The following TMEM150C variants were observed in gnomAD, a reference collection of about 807,000 sequenced individuals.
TMEM150C encodes the protein tentonin 3.
Under a neutral mutation model 29.9 loss-of-function variants are expected in TMEM150C, and 10 were observed. That is an observed-to-expected ratio of 0.33 (90% CI 0.21 to 0.57). TMEM150C has a LOEUF of 0.57. Ranked by LOEUF, TMEM150C falls within the 20% of genes least tolerant of loss-of-function variation. The pLI, the probability that TMEM150C is intolerant of heterozygous loss-of-function variation, is 0.88. For missense variants in TMEM150C, 251 were observed against 303.6 expected (o/e 0.83, Z 1.29); for synonymous variants, 101 against 112.5 (o/e 0.90, Z 0.64).
upstream of TMEM150C, chr4:82,562,108 G>A: frequency 8.0e-7 from 1 of 1,245,392 alleles, no homozygotes; most frequent in Non-Finnish European, 1.0e-6. Context: ...TTCGGGGAGA[G>A]TTGATCCCCT....
At position 82,484,902 on chromosome 4, in the gene TMEM150C, C is replaced by T. The variant is rs937329916; in HGVS notation, c.*609G>A. ...CCAGATCACAGCGGCGGGCTTTGCT[C>T]TCACAGTCTGTGGCATATGTCTCTC... is the stretch of plus-strand genomic sequence containing the variant. On this transcript the variant is annotated 3_prime_UTR_variant, in exon 8 of 8. Coordinates refer to ENST00000449862, the MANE Select transcript of TMEM150C (RefSeq NM_001080506.3). The T allele has an allele frequency of 2.6e-5, 4 of 152,762 alleles. No individual in the cohort carries two copies. The highest frequency in any genetic ancestry group is 5.8e-5 in the Non-Finnish European group (4 of 68,534). The allele number at this position is 152,762 out of a possible 1,614,324, so 9.5% of individuals were successfully genotyped here.
intron 6 of TMEM150C, among the ~76,000 whole-genome samples, chr4:82,492,037 G>A (rs1336113729): frequency 1.3e-5 from 2 of 150,112 alleles, no homozygotes; most frequent in East Asian, 1.9e-4. Context: ...CTGGGTTCAA[G>A]CGATTCTTCT....
At chr4:82,531,633 T>C (rs915458927) in intron 1 of TMEM150C, among the ~76,000 whole-genome samples, 2 of 151,568 alleles carry the variant, frequency 1.3e-5, no homozygotes, top group Non-Finnish European at 1.5e-5. Context: ...CACACACCTG[T>C]AATCCCAGGT....
chr4:82,550,816 A>G (rs1031554138), intron 1 of TMEM150C, among the ~76,000 whole-genome samples: 13 of 151,314 alleles, frequency 8.6e-5, no homozygotes, highest in African/African-American at 1.7e-4. Context: ...AGAAAGAAAG[A>G]AAGGAAGAGC....
At chr4:82,491,597 A>G in intron 6 of TMEM150C, 1 of 628,972 alleles carries the variant, frequency 1.6e-6, no homozygotes, top group South Asian at 1.8e-5. Context: ...CAGGGGCCGG[A>G]GCCACCTTCT....
At chr4:82,534,839 G>A (rs766606860) in intron 1 of TMEM150C, among the ~76,000 whole-genome samples, 1 of 151,958 alleles carries the variant, frequency 6.6e-6, no homozygotes, top group African/African-American at 2.4e-5. Flanking sequence ...GCCATGAAGG[G>A]GGCTGGCCTA....
intron 1 of TMEM150C, among the ~76,000 whole-genome samples, chr4:82,507,727 CTTTTTTTTTTTTTTTTT>C (rs869112887): frequency 4.0e-3 from 83 of 20,574 alleles, no homozygotes; most frequent in East Asian, 0.017. Context: ...CTCTCTCTCT[CTTTTTTTTTTTTTTTTT>C]TTTTTTTTTT....
intron 5 of TMEM150C, among the ~76,000 whole-genome samples, chr4:82,499,488 G>T (rs183436778): frequency 6.6e-6 from 1 of 151,996 alleles, no homozygotes; most frequent in Non-Finnish European, 1.5e-5. Flanking sequence ...TTGGGAGGCC[G>T]AGGCTGGTGG....
rs58211224 is a variant in TMEM150C at position 82,496,829 on chromosome 4, G to A, written c.236-634C>T. On this transcript the variant is annotated intron_variant, in intron 5 of 7. Transcript: ENST00000449862. ...ACTGGTTTTACTCTCACTTCCCTTC[G>A]ATTCTACTTGGAGGTGTTCACTGTC... Among the ~76,000 whole-genome samples the A allele has an allele frequency of 3.4e-4, 52 of 152,276 alleles. No individual in the cohort carries two copies. The East Asian group carries it at 8.3e-3, about 24-fold the overall frequency.
intron 5 of TMEM150C, among the ~76,000 whole-genome samples, chr4:82,498,573 C>G (rs1286345166): frequency 6.6e-6 from 1 of 152,170 alleles, no homozygotes; most frequent in Non-Finnish European, 1.5e-5. Flanking sequence ...TACAGTGAGC[C>G]ACCGCGCCTG....
At chr4:82,533,549 TAAAC>T (rs1056217547) in intron 1 of TMEM150C, among the ~76,000 whole-genome samples, 2 of 152,226 alleles carry the variant, frequency 1.3e-5, no homozygotes, top group Non-Finnish European at 2.9e-5. Context: ...GTTTATGTCT[TAAAC>T]AGACAAACAA....
intron 6 of TMEM150C, chr4:82,495,427 C>T (rs1723516514): frequency 6.5e-6 from 2 of 306,260 alleles, no homozygotes; most frequent in South Asian, 3.1e-5. Context: ...GGCGACAGAG[C>T]GAGACTCCGT....
intron 5 of TMEM150C, among the ~76,000 whole-genome samples, chr4:82,499,719 C>CAAAAAAAAAAAA (rs1197264258): frequency 2.5e-5 from 1 of 40,290 alleles, no homozygotes; most frequent in Non-Finnish European, 4.2e-5. Context: ...ACTCCGTCTC[C>CAAAAAAAAAAAA]AAAAAAAAAA....
At chr4:82,503,241 T>C in intron 2 of TMEM150C, 129 bp from the exon 3 acceptor site, 1 of 686,194 alleles carries the variant, frequency 1.5e-6, no homozygotes, top group Non-Finnish European at 2.5e-6. Flanking sequence ...CTTTTACAAT[T>C]CTTTACCCAT....
upstream of TMEM150C, chr4:82,562,082 T>G: frequency 2.6e-6 from 3 of 1,173,914 alleles, no homozygotes; most frequent in Non-Finnish European, 3.2e-6. Flanking sequence ...TATTCTGGGG[T>G]CCCCGCTGCT....
At position 82,493,249 on chromosome 4, in the gene TMEM150C, T is replaced by G. The variant is rs148969358; in HGVS notation, c.363+2819A>C. On this transcript the variant is annotated intron_variant, in intron 6 of 7. Coordinates refer to ENST00000449862, the MANE Select transcript of TMEM150C (RefSeq NM_001080506.3). ...CTTTTTTGGAAGAAGCCATGTTTTCTCTCACAGTTCAAAAGACATATTTTC... is the reference window on the plus strand; with the variant it reads ...CTTTTTTGGAAGAAGCCATGTTTTCGCTCACAGTTCAAAAGACATATTTTC... Among the ~76,000 whole-genome samples, 811 of 152,124 alleles carry G rather than the reference T, an allele frequency of 5.3e-3. 11 individuals carry two copies. The highest frequency in any genetic ancestry group is 0.018 in the African/African-American group (762 of 41,534).
At chr4:82,525,734 C>T (rs1441335128) in intron 1 of TMEM150C, among the ~76,000 whole-genome samples, 1 of 152,160 alleles carries the variant, frequency 6.6e-6, no homozygotes, top group Non-Finnish European at 1.5e-5. Flanking sequence ...AATTCTGCCA[C>T]AGGGAGGCCA....
At chr4:82,526,703 C>T (rs1430352552) in intron 1 of TMEM150C, among the ~76,000 whole-genome samples, 1 of 152,198 alleles carries the variant, frequency 6.6e-6, no homozygotes, top group Non-Finnish European at 1.5e-5. Flanking sequence ...CTTTATTATG[C>T]TTTATGACAC....
chr4:82,559,852 C>A (rs1213545577), intron 1 of TMEM150C, among the ~76,000 whole-genome samples: 1 of 152,172 alleles, frequency 6.6e-6, no homozygotes, highest in Non-Finnish European at 1.5e-5. Context: ...TGCAGTGAAA[C>A]CAAATGGCTG....
Sources: allele counts gnomAD v4.1 joint callset (sites outside exome capture counted in the v4.1 genomes callset), GRCh38; gene constraint gnomAD v4.1.1; transcripts MANE v1.5; gene names NCBI Gene and HGNC (gene_info 2026-07-23, HGNC 2026-07-21).